MYT1L: variants seen among roughly 807,000 people sequenced by gnomAD.
MYT1L encodes the protein myelin transcription factor 1-like protein.
A neutral mutation model predicts 126.7 loss-of-function variants in MYT1L; 12 were observed. The ratio of observed to expected loss-of-function variants is 0.09; its 90% confidence interval spans 0.06 to 0.15. MYT1L has a LOEUF of 0.15. MYT1L is among the 10% of genes least tolerant of loss of function. The pLI is 1.00. For synonymous variants in MYT1L, 541 were observed against 604.2 expected, an observed-to-expected ratio of 0.90 and a Z score of 1.53; for missense variants, 979 against 1,585.2, an observed-to-expected ratio of 0.62 and a Z score of 6.49.
At chr2:2,103,432 T>A (rs772493503) in intron 3 of MYT1L, among the ~76,000 whole-genome samples, 65 of 152,152 alleles carry the variant, frequency 4.3e-4, no homozygotes, top group Admixed American at 4.1e-3. Context: ...AAATACAGAA[T>A]CAGCCCCAGA....
chr2:2,124,846 G>A (rs2081485026), intron 3 of MYT1L, among the ~76,000 whole-genome samples: 1 of 152,188 alleles, frequency 6.6e-6, no homozygotes, highest in Non-Finnish European at 1.5e-5. Context: ...CTGTGGCACA[G>A]GTGGGGCTGC....
intron 5 of MYT1L, among the ~76,000 whole-genome samples, chr2:1,996,480 G>A (rs1489862818): frequency 6.0e-5 from 9 of 150,462 alleles, no homozygotes; most frequent in Admixed American, 1.3e-4. Flanking sequence ...AGTGTGGGCT[G>A]CACAGAGCCG....
intron 14 of MYT1L, among the ~76,000 whole-genome samples, chr2:1,900,489 C>T (rs989974177): frequency 2.0e-5 from 3 of 152,070 alleles, no homozygotes; most frequent in East Asian, 1.9e-4. Flanking sequence ...TTAGTAGAGA[C>T]GGGGTTTCAC....
At chr2:2,299,908 A>G (rs539937327) in intron 1 of MYT1L, among the ~76,000 whole-genome samples, 1 of 152,282 alleles carries the variant, frequency 6.6e-6, no homozygotes, top group South Asian at 2.1e-4. Flanking sequence ...CTACTGATGT[A>G]TTGTGTCCTT....
chr2:2,139,323 G>GA (rs1314733495), intron 3 of MYT1L, among the ~76,000 whole-genome samples: 3 of 152,010 alleles, frequency 2.0e-5, no homozygotes, highest in African/African-American at 7.2e-5. Flanking sequence ...AGTTACAAAT[G>GA]AATGTGCATG....
chr2:1,813,269 C>T (rs543889034), intron 21 of MYT1L, among the ~76,000 whole-genome samples: 100 of 150,466 alleles, frequency 6.6e-4, no homozygotes, highest in Non-Finnish European at 1.1e-3. Context: ...CCTGAACCCC[C>T]TCCCTTCTCT....
At chr2:2,094,733 G>C (rs2077252837) in intron 3 of MYT1L, among the ~76,000 whole-genome samples, 1 of 149,332 alleles carries the variant, frequency 6.7e-6, no homozygotes, top group African/African-American at 2.5e-5. Context: ...GAGAACACTT[G>C]GTCACAGGAA....
chr2:2,197,847 G>A (rs1333164752), intron 2 of MYT1L, among the ~76,000 whole-genome samples: 1 of 147,442 alleles, frequency 6.8e-6, no homozygotes, highest in African/African-American at 2.5e-5. Context: ...AATGTGTAGA[G>A]ATGTACCTAA....
chr2:1,792,857 G>A (rs1193397971), intron 23 of MYT1L, among the ~76,000 whole-genome samples: 4 of 74,780 alleles, frequency 5.3e-5, no homozygotes, highest in Non-Finnish European at 9.6e-5. Context: ...GTGACAGACC[G>A]AGATTCCGTC....
At chr2:1,792,995 C>A (rs1033402619) in intron 23 of MYT1L, among the ~76,000 whole-genome samples, 1 of 152,006 alleles carries the variant, frequency 6.6e-6, no homozygotes, top group East Asian at 1.9e-4. Context: ...TGTTTCCCTG[C>A]GCGATCCTGT....
chr2:2,150,801 G>C (rs2085634596), intron 3 of MYT1L, among the ~76,000 whole-genome samples: 1 of 149,580 alleles, frequency 6.7e-6, no homozygotes, highest in African/African-American at 2.5e-5. Context: ...AGGAAAGAAG[G>C]AAAAGAGAAA....
At chr2:1,886,469 A>G in intron 18 of MYT1L, 70 bp downstream of exon 18, 5 of 1,165,714 alleles carry the variant, frequency 4.3e-6, no homozygotes, top group Non-Finnish European at 6.0e-6. Flanking sequence ...TGCAAATGAC[A>G]TATCATTTTT....
At chr2:1,808,860 C>T (rs147703750) in intron 22 of MYT1L, among the ~76,000 whole-genome samples, 10 of 152,288 alleles carry the variant, frequency 6.6e-5, no homozygotes, top group Non-Finnish European at 1.0e-4. Flanking sequence ...CTCATGATTC[C>T]GGTGAGCAGT....
chr2:2,329,434 T>C (rs1041868987), intron 1 of MYT1L, among the ~76,000 whole-genome samples: 2 of 151,602 alleles, frequency 1.3e-5, no homozygotes, highest in African/African-American at 4.9e-5. Flanking sequence ...TCCTTCATAT[T>C]ATAATATAGA....
At chr2:2,300,736 T>C (rs2095769566) in intron 1 of MYT1L, among the ~76,000 whole-genome samples, 1 of 152,182 alleles carries the variant, frequency 6.6e-6, no homozygotes, top group South Asian at 2.1e-4. Flanking sequence ...ACGCGATGAT[T>C]CTTAGCGGAT....
chr2:2,144,287 C>G (rs2084527607), intron 3 of MYT1L, among the ~76,000 whole-genome samples: 1 of 152,136 alleles, frequency 6.6e-6, no homozygotes, highest in Non-Finnish European at 1.5e-5. Context: ...CAGCCACCCC[C>G]ACGCCTGGGC....
At chr2:2,074,128 A>T (rs1237853428) in intron 3 of MYT1L, among the ~76,000 whole-genome samples, 1 of 152,252 alleles carries the variant, frequency 6.6e-6, no homozygotes, top group Non-Finnish European at 1.5e-5. Context: ...TTGTTTAATA[A>T]TTTCACTTGT....
intron 3 of MYT1L, among the ~76,000 whole-genome samples, chr2:2,121,811 A>C (rs1225672171): frequency 1.3e-5 from 2 of 152,144 alleles, no homozygotes; most frequent in Non-Finnish European, 2.9e-5. Flanking sequence ...TCTATTATGA[A>C]TGCAGTCTTC....
chr2:2,159,761 C>T (rs569722544), intron 3 of MYT1L, among the ~76,000 whole-genome samples: 2 of 151,988 alleles, frequency 1.3e-5, no homozygotes. Context: ...AAGCAGATGA[C>T]CTTGAAAAGC....
Sources: allele counts gnomAD v4.1 joint callset (sites outside exome capture counted in the v4.1 genomes callset), GRCh38; gene constraint gnomAD v4.1.1; transcripts MANE v1.5; gene names NCBI Gene and HGNC (gene_info 2026-07-23, HGNC 2026-07-21).